Variants in MERTK observed in about 807,000 individuals in gnomAD.
MERTK encodes MER proto-oncogene, tyrosine kinase.
Under a neutral mutation model 99.3 loss-of-function variants are expected in MERTK, and 69 were observed. That is an observed-to-expected ratio of 0.70 (90% CI 0.57 to 0.85). MERTK has a LOEUF of 0.85. MERTK is among the 40% of genes least tolerant of loss of function. The probability of loss-of-function intolerance (pLI) is 0.00; values close to 1 mark genes in which losing one functional copy is unlikely to be tolerated. For synonymous variants in MERTK, 426 were observed against 467.6 expected (o/e 0.91, Z 1.15); for missense variants, 1,125 against 1,249.4 (o/e 0.90, Z 1.50).
intron 1 of MERTK, among the ~76,000 whole-genome samples, chr2:111,910,300 G>C (rs1229375132): frequency 2.0e-5 from 3 of 148,590 alleles, no homozygotes; most frequent in Non-Finnish European, 3.0e-5. Context: ...ACAAAGTCTC[G>C]CTCTTGTCCC....
chr2:111,964,389 GTGTGTGTGTGCGCGCGCGCACGCGCA>G (rs1685318608), intron 4 of MERTK, among the ~76,000 whole-genome samples: 3 of 138,070 alleles, frequency 2.2e-5, no homozygotes, highest in African/African-American at 8.1e-5. Flanking sequence ...GTGTGTGTGT[GTGTGTGTGTGCGCGCGCGCACGCGCA>G]TGTGTGTGTG....
intron 2 of MERTK, chr2:111,940,810 C>T (rs1684849793): frequency 2.9e-6 from 3 of 1,037,072 alleles, no homozygotes; most frequent in African/African-American, 1.5e-5. Context: ...AGCTTCTTGT[C>T]GATCTTGAAT....
chr2:112,021,016 A>G (rs1225800622), intron 16 of MERTK, among the ~76,000 whole-genome samples: 2 of 149,696 alleles, frequency 1.3e-5, no homozygotes, highest in Non-Finnish European at 3.0e-5. Context: ...CAACATGGTG[A>G]CACTCCATGT....
intron 13 of MERTK, among the ~76,000 whole-genome samples, chr2:112,008,047 C>G (rs893014191): frequency 6.6e-6 from 1 of 152,050 alleles, no homozygotes; most frequent in East Asian, 1.9e-4. Context: ...CATACTGATA[C>G]ATTATTATTA....
In MERTK at chr2:112,021,442, T is replaced by G. The variant is rs1264128273; in HGVS notation, c.2210T>G (p.Val737Gly). Residue 737 changes from valine (V) to glycine (G), a missense_variant, in exon 17 of 19, where the codon GTC becomes GGC. By Grantham distance (109) the Val-to-Gly change is moderately radical. Coordinates refer to ENST00000295408, the MANE Select transcript of MERTK (RefSeq NM_006343.3). The part of the protein sequence containing the change: ...RNCMLRDDMT[V>G]CVADFGLSKK... ...TGTAGGTTGCGAGATGACATGACTG[T>G]CTGTGTTGCGGACTTCGGCCTCTCT... is the stretch of plus-strand genomic sequence containing the variant. 1 of 1,613,576 alleles carries G rather than the reference T, an allele frequency of 6.2e-7. No individual in the cohort carries two copies. The highest frequency in any genetic ancestry group is 1.1e-5 in the South Asian group (1 of 91,048).
Position 112,028,988 on chromosome 2 carries a change from C to A in MERTK, c.*124C>A. ...AGTGAACTCCATGGCCCCAAAGCACCAGATGAATGTTGTTAAGTAAGCTGT... is the reference window on the plus strand; with the variant it reads ...AGTGAACTCCATGGCCCCAAAGCACAAGATGAATGTTGTTAAGTAAGCTGT... On this transcript the variant is annotated 3_prime_UTR_variant, in exon 19 of 19. Transcript: ENST00000295408. 6.3e-7 allele frequency: 1 copy of A among 1,575,706 alleles called. No homozygotes were observed. The highest frequency in any genetic ancestry group is 1.2e-5 in the South Asian group (1 of 86,130).
Position 111,982,908 on chromosome 2 carries a change from G to A in MERTK, c.1211G>A (p.Arg404Lys). The A allele has an allele frequency of 6.2e-7, 1 of 1,614,160 alleles. No homozygotes were observed. The highest frequency in any genetic ancestry group is 8.5e-7 in the Non-Finnish European group (1 of 1,180,032). Residue 404 changes from arginine to lysine, a missense_variant, in exon 8 of 19, where the codon AGA becomes AAA. By Grantham distance (26) the Arg-to-Lys change is conservative. Coordinates refer to ENST00000295408, the MANE Select transcript of MERTK (RefSeq NM_006343.3). ...LNESSDNVDIRWMKPPTKQQD... is the reference protein window; with the variant it reads ...LNESSDNVDIKWMKPPTKQQD... ...GAATCTAGTGATAATGTGGACATCA[G>A]ATGGATGAAGCCTCCGACTAAGCAG...
chr2:111,987,467 AG>A (rs1327787926), intron 8 of MERTK, among the ~76,000 whole-genome samples: 1 of 152,250 alleles, frequency 6.6e-6, no homozygotes, highest in African/African-American at 2.4e-5. Context: ...AGTTGGAGGC[AG>A]GTCTTGCTCG....
At chr2:111,992,100 C>T (rs1008805449) in intron 8 of MERTK, among the ~76,000 whole-genome samples, 2 of 152,120 alleles carry the variant, frequency 1.3e-5, no homozygotes, top group Admixed American at 6.5e-5. Context: ...GATTAGAAGT[C>T]ATAAGACTCA....
chr2:111,902,597 T>C (rs780953778), intron 1 of MERTK, among the ~76,000 whole-genome samples: 8 of 152,086 alleles, frequency 5.3e-5, no homozygotes, highest in Non-Finnish European at 1.2e-4. Flanking sequence ...GCTGGAACCT[T>C]TTTCCCAAGA....
chr2:111,980,903 A>G (rs1323658561), intron 7 of MERTK, among the ~76,000 whole-genome samples: 3 of 152,030 alleles, frequency 2.0e-5, no homozygotes, highest in Non-Finnish European at 4.4e-5. Flanking sequence ...TCTCTCTTCT[A>G]CTGTTGACTC....
intron 1 of MERTK, among the ~76,000 whole-genome samples, chr2:111,908,148 G>A (rs1463900338): frequency 6.6e-6 from 1 of 152,194 alleles, no homozygotes; most frequent in Non-Finnish European, 1.5e-5. Context: ...TCCAAGGGAG[G>A]TGGCAATTCC....
At chr2:111,942,644 AC>A (rs1159818997) in intron 2 of MERTK, among the ~76,000 whole-genome samples, 2 of 152,060 alleles carry the variant, frequency 1.3e-5, no homozygotes, top group Non-Finnish European at 2.9e-5. Context: ...GATCCCTGGG[AC>A]CTCCCCCATG....
chr2:112,019,601 C>A lies in MERTK; in HGVS notation c.2189+79C>A, dbSNP rs1677291060. ...TGCAGGGTTAGTGAGAGGACCTGTTCCTGTTTAGATAGGCAAGGAAGCTGC... is the reference window on the plus strand; with the variant it reads ...TGCAGGGTTAGTGAGAGGACCTGTTACTGTTTAGATAGGCAAGGAAGCTGC... On this transcript the variant is annotated intron_variant, in intron 16 of 18. Transcript: ENST00000295408. 3 of 1,089,004 alleles carry A rather than the reference C, an allele frequency of 2.8e-6. No homozygotes were observed. The African/African-American group carries it at 4.6e-5, about 17-fold the overall frequency. 67.5% of individuals were successfully genotyped at this position (1,089,004 alleles called of 1,614,324 possible). A position where few individuals can be genotyped will look rare whatever the true frequency, so the allele number is the denominator to read the frequency against.
At chr2:112,009,117 T>C (rs1161209345) in intron 14 of MERTK, among the ~76,000 whole-genome samples, 1 of 152,244 alleles carries the variant, frequency 6.6e-6, no homozygotes, top group East Asian at 1.9e-4. Flanking sequence ...CTTGGTGTTT[T>C]GTTTTTGCTT....
At chr2:111,937,633 C>T (rs2104695181) in intron 2 of MERTK, among the ~76,000 whole-genome samples, 1 of 152,076 alleles carries the variant, frequency 6.6e-6, no homozygotes, top group East Asian at 1.9e-4. Context: ...ATGCCTGTTG[C>T]CGGTTCTTTA....
At position 111,898,708 on chromosome 2, in the gene MERTK, A is replaced by C; in HGVS notation, c.-28A>C. ...GACGTCCATCTGTCCATCCGTCCGG[A>C]GAGAAATTACAGATCCGCAGCCCCG... On this transcript the variant is annotated 5_prime_UTR_variant, in exon 1 of 19. Transcript: ENST00000295408. 6.2e-7 allele frequency: 1 copy of C among 1,602,702 alleles called. No individual in the cohort carries two copies. The highest frequency in any genetic ancestry group is 8.5e-7 in the Non-Finnish European group (1 of 1,175,170).
Position 111,898,711 on chromosome 2 carries a change from G to T in MERTK, c.-25G>T. 2 of 1,603,864 alleles carry T rather than the reference G, an allele frequency of 1.2e-6. No homozygotes were observed. Among genetic ancestry groups the T allele is most frequent in the African/African-American group, 1.3e-5 (1 of 74,936 alleles). On this transcript the variant is annotated 5_prime_UTR_variant, in exon 1 of 19. Transcript: ENST00000295408. Reference sequence around the variant, plus strand: ...GTCCATCTGTCCATCCGTCCGGAGAGAAATTACAGATCCGCAGCCCCGGGA... The same window carrying T: ...GTCCATCTGTCCATCCGTCCGGAGATAAATTACAGATCCGCAGCCCCGGGA...
intron 18 of MERTK, among the ~76,000 whole-genome samples, chr2:112,023,597 G>A (rs892327878): frequency 2.0e-5 from 3 of 151,974 alleles, no homozygotes; most frequent in Admixed American, 6.6e-5. Context: ...AATAGGCCAC[G>A]CTCTGCTTCC....
Sources: gnomAD v4.1 joint callset for allele counts (sites outside exome capture counted in the v4.1 genomes callset) on GRCh38, gnomAD v4.1.1 for gene constraint, MANE v1.5 for transcripts, NCBI Gene and HGNC (gene_info 2026-07-23, HGNC 2026-07-21) for gene names.